MECOM: variants seen among roughly 807,000 people sequenced by gnomAD.
MECOM encodes histone-lysine N-methyltransferase MECOM.
In MECOM, 13 loss-of-function variants were observed where a neutral mutation model predicts 116.3. The observed-to-expected ratio is 0.11, with a 90% confidence interval of 0.07 to 0.18. The LOEUF (loss-of-function observed/expected upper bound fraction) is 0.18, where lower values mean the gene tolerates loss of function less well. MECOM is among the 10% of genes least tolerant of loss of function. MECOM has a pLI of 1.00. For missense variants in MECOM, 1,299 were observed against 1,509.0 expected (o/e 0.86, Z 2.31); for synonymous variants, 528 against 535.2 (o/e 0.99, Z 0.19).
chr3:169,188,378 T>C (rs555505193), intron 2 of MECOM, among the ~76,000 whole-genome samples: 1 of 151,748 alleles, frequency 6.6e-6, no homozygotes, highest in East Asian at 1.9e-4. Context: ...AAATAGCAAA[T>C]TGTGGTCTTC....
intron 2 of MECOM, among the ~76,000 whole-genome samples, chr3:169,303,636 G>C (rs1717169795): frequency 6.6e-6 from 1 of 152,128 alleles, no homozygotes; most frequent in Non-Finnish European, 1.5e-5. Context: ...ACCAGAAGCA[G>C]CCCCAAAGTT....
intron 2 of MECOM, among the ~76,000 whole-genome samples, chr3:169,263,582 G>A (rs1419505775): frequency 1.3e-5 from 2 of 151,772 alleles, no homozygotes; most frequent in Non-Finnish European, 2.9e-5. Context: ...CTTATGAATA[G>A]GATGGTTGAA....
chr3:169,271,696 A>G (rs1758960809), intron 2 of MECOM, among the ~76,000 whole-genome samples: 1 of 152,186 alleles, frequency 6.6e-6, no homozygotes, highest in East Asian at 1.9e-4. Flanking sequence ...AACATGGCAC[A>G]TGTATACCTA....
At chr3:169,357,549 A>C (rs1309246819) in intron 2 of MECOM, among the ~76,000 whole-genome samples, 1 of 151,838 alleles carries the variant, frequency 6.6e-6, no homozygotes, top group African/African-American at 2.4e-5. Flanking sequence ...CCTTCTTCAT[A>C]AGCACATGCT....
chr3:169,433,449 C>A (rs1392862711), intron 1 of MECOM, among the ~76,000 whole-genome samples: 1 of 150,720 alleles, frequency 6.6e-6, no homozygotes, highest in African/African-American at 2.4e-5. Context: ...GCCTGGGCAA[C>A]AACAGCGAAA....
At position 169,116,524 on chromosome 3, in the gene MECOM, C is replaced by G. The variant is rs1195267398; in HGVS notation, c.1348G>C (p.Ala450Pro). Reference protein sequence around the residue: ...GQGISLPGTPAMDKTSMVNMS... With the variant: ...GQGISLPGTPPMDKTSMVNMS... ...TTAACCATGGACGTTTTATCCATAG[C>G]TGGGGTTCCAGGAAGTGAAATGCCT... Residue 450 changes from alanine (A) to proline (P), a missense_variant, in exon 8 of 17, where the codon GCT becomes CCT. Physicochemically the swap from Ala to Pro is conservative, Grantham distance 27. Coordinates refer to ENST00000651503, the MANE Select transcript of MECOM (RefSeq NM_004991.4). The G allele has an allele frequency of 6.2e-7, 1 of 1,614,192 alleles. No homozygotes were observed. Among genetic ancestry groups the G allele is most frequent in the Admixed American group, 1.7e-5 (1 of 60,020 alleles).
At position 169,590,570 on chromosome 3, in the gene MECOM, A is replaced by T. The variant is rs748750133; in HGVS notation, c.37+72766T>A. ...GCCTGTCACATAGGTACAAAGGAGG[A>T]TGTATTTTTAAAATCTCTGTTGTAT... On this transcript the variant is annotated intron_variant, in intron 1 of 16. Coordinates refer to ENST00000651503, the MANE Select transcript of MECOM (RefSeq NM_004991.4). Among the ~76,000 whole-genome samples the T allele has an allele frequency of 3.3e-5, 5 of 152,328 alleles. No homozygotes were observed. The East Asian group carries it at 9.6e-4, about 29-fold the overall frequency.
chr3:169,370,906 T>C (rs115149306), intron 2 of MECOM, among the ~76,000 whole-genome samples: 1,861 of 152,078 alleles, frequency 0.012, 19 homozygotes, highest in South Asian at 0.028. Flanking sequence ...CTTTATATAC[T>C]GTTGGTAGGA....
intron 1 of MECOM, among the ~76,000 whole-genome samples, chr3:169,630,673 G>A (rs555762057): frequency 6.6e-6 from 1 of 152,072 alleles, no homozygotes; most frequent in Non-Finnish European, 1.5e-5. Flanking sequence ...ATGTTCTCTA[G>A]GCTGGTCTTA....
chr3:169,353,478 A>T (rs1384859344), intron 2 of MECOM, among the ~76,000 whole-genome samples: 1 of 151,842 alleles, frequency 6.6e-6, no homozygotes, highest in East Asian at 1.9e-4. Flanking sequence ...GACAATAAAA[A>T]AAGATCGGTT....
At chr3:169,447,422 G>A (rs1744831555) in intron 1 of MECOM, among the ~76,000 whole-genome samples, 1 of 152,108 alleles carries the variant, frequency 6.6e-6, no homozygotes, top group Admixed American at 6.6e-5. Flanking sequence ...GAGGTGGATG[G>A]TTATCTACTA....
At chr3:169,411,229 GA>G (rs145078504) in intron 1 of MECOM, among the ~76,000 whole-genome samples, 5 of 150,400 alleles carry the variant, frequency 3.3e-5, no homozygotes, top group South Asian at 2.1e-4. Context: ...ACTATTGCCA[GA>G]AAAAAAAATG....
chr3:169,180,877 A>G (rs1387175260), intron 2 of MECOM, among the ~76,000 whole-genome samples: 1 of 149,246 alleles, frequency 6.7e-6, no homozygotes, highest in African/African-American at 2.5e-5. Flanking sequence ...CAATAAATAT[A>G]TATTTAGCAG....
At chr3:169,601,905 C>T (rs1373596396) in intron 1 of MECOM, among the ~76,000 whole-genome samples, 1 of 152,182 alleles carries the variant, frequency 6.6e-6, no homozygotes, top group Non-Finnish European at 1.5e-5. Flanking sequence ...CCATCTGTTT[C>T]TAATTTTATC....
intron 2 of MECOM, among the ~76,000 whole-genome samples, chr3:169,170,269 G>A (rs1168796869): frequency 6.6e-6 from 1 of 151,718 alleles, no homozygotes; most frequent in African/African-American, 2.4e-5. Flanking sequence ...ATATTAGCTG[G>A]GTGTGGTGGC....
chr3:169,155,649 A>C (rs1319404544), intron 2 of MECOM, among the ~76,000 whole-genome samples: 1 of 152,218 alleles, frequency 6.6e-6, no homozygotes, highest in Non-Finnish European at 1.5e-5. Context: ...ATTTGCTAGA[A>C]AATAAAGCCC....
At chr3:169,431,118 C>A (rs1166387658) in intron 1 of MECOM, among the ~76,000 whole-genome samples, 1 of 152,166 alleles carries the variant, frequency 6.6e-6, no homozygotes, top group Non-Finnish European at 1.5e-5. Context: ...TCTAAGCCAT[C>A]CTGTTTGCTA....
At chr3:169,420,550 C>T (rs114680235) in intron 1 of MECOM, among the ~76,000 whole-genome samples, 1,991 of 152,212 alleles carry the variant, frequency 0.013, 21 homozygotes, top group Middle Eastern at 0.041. Context: ...AAACATATTT[C>T]CTTATAGGAA....
At chr3:169,210,647 C>T (rs1385986641) in intron 2 of MECOM, among the ~76,000 whole-genome samples, 3 of 152,092 alleles carry the variant, frequency 2.0e-5, no homozygotes, top group African/African-American at 7.2e-5. Context: ...AGATACAATT[C>T]ATTCACATTA....
Sources: gnomAD v4.1 joint callset for allele counts (sites outside exome capture counted in the v4.1 genomes callset) on GRCh38, gnomAD v4.1.1 for gene constraint, MANE v1.5 for transcripts, NCBI Gene and HGNC (gene_info 2026-07-23, HGNC 2026-07-21) for gene names.